The following SSUH2 variants were observed in gnomAD, a reference collection of about 807,000 sequenced individuals.
SSUH2 encodes protein SSUH2 homolog.
A neutral mutation model predicts 55.3 loss-of-function variants in SSUH2; 47 were observed. The ratio of observed to expected loss-of-function variants is 0.85; its 90% CI spans 0.67 to 1.08. The LOEUF (loss-of-function observed/expected upper bound fraction) is 1.08, where lower values mean the gene tolerates loss of function less well. Ranked by LOEUF, SSUH2 falls within the 50% of genes least tolerant of loss-of-function variation. SSUH2 has a pLI of 0.00. For synonymous variants in SSUH2, 212 were observed against 191.5 expected, an observed-to-expected ratio of 1.11 and a Z score of -0.89; for missense variants, 535 against 490.7, an observed-to-expected ratio of 1.09 and a Z score of -0.85.
At chr3:8,622,580 C>T (rs1367106742) in intron 11 of SSUH2, among the ~76,000 whole-genome samples, 2 of 152,206 alleles carry the variant, frequency 1.3e-5, no homozygotes, top group African/African-American at 4.8e-5. Flanking sequence ...CTGTCACCCT[C>T]CTTACTGCCT....
At chr3:8,621,801 T>C (rs1559269114) in intron 11 of SSUH2, among the ~76,000 whole-genome samples, 1 of 152,156 alleles carries the variant, frequency 6.6e-6, no homozygotes. Flanking sequence ...AAATAGGGAC[T>C]AAAGGGCACA....
At chr3:8,631,718 G>A (rs566009298) in intron 5 of SSUH2, among the ~76,000 whole-genome samples, 6 of 152,088 alleles carry the variant, frequency 3.9e-5, no homozygotes, top group Non-Finnish European at 8.8e-5. Context: ...GGAGGAATTA[G>A]GGGTGGCATG....
chr3:8,639,226 T>C (rs1346416768), intron 1 of SSUH2, among the ~76,000 whole-genome samples: 2 of 152,202 alleles, frequency 1.3e-5, no homozygotes, highest in African/African-American at 4.8e-5. Context: ...GCTGTTCCCA[T>C]GGTGTTGCAG....
chr3:8,676,997 C>T (rs565957830), intron 3 of SSUH2, among the ~76,000 whole-genome samples: 5 of 149,908 alleles, frequency 3.3e-5, no homozygotes, highest in Middle Eastern at 6.9e-3. Context: ...ACCTCTTCCC[C>T]CCCTGGCTCT....
chr3:8,651,615 T>C (rs1300828858), intron 7 of SSUH2, among the ~76,000 whole-genome samples: 1 of 152,184 alleles, frequency 6.6e-6, no homozygotes, highest in Non-Finnish European at 1.5e-5. Flanking sequence ...CTTTGATTCC[T>C]TGCAGAGACC....
intron 1 of SSUH2, among the ~76,000 whole-genome samples, chr3:8,680,788 G>A (rs773278182): frequency 1.6e-4 from 24 of 151,940 alleles, no homozygotes; most frequent in East Asian, 1.9e-4. Context: ...TCAACCTCTC[G>A]GCCTCTGAAT....
At chr3:8,634,927 A>T (rs1000558255) in intron 3 of SSUH2, among the ~76,000 whole-genome samples, 3 of 152,222 alleles carry the variant, frequency 2.0e-5, no homozygotes, top group African/African-American at 7.2e-5. Flanking sequence ...TTCGTAGCCC[A>T]CATAGTCTCT....
At chr3:8,647,544 GAGA>G (rs1358367331), upstream of SSUH2, among the ~76,000 whole-genome samples, 3 of 147,014 alleles carry the variant, frequency 2.0e-5, no homozygotes, top group Non-Finnish European at 4.4e-5. Context: ...CCGTGGTGAG[GAGA>G]AGTACTCCCA....
chr3:8,670,147 G>C (rs563151042), intron 5 of SSUH2, among the ~76,000 whole-genome samples: 1 of 152,098 alleles, frequency 6.6e-6, no homozygotes, highest in South Asian at 2.1e-4. Context: ...TCCCTTGGCA[G>C]CTCGTTTATG....
chr3:8,638,430 C>T (rs17049383), intron 1 of SSUH2, among the ~76,000 whole-genome samples: 23,111 of 152,154 alleles, frequency 0.15, 4,828 homozygotes, highest in African/African-American at 0.47. Flanking sequence ...GTTTCATAGA[C>T]GTAGAGTGCC....
chr3:8,672,928 A>G (rs1250535803), intron 3 of SSUH2, among the ~76,000 whole-genome samples: 1 of 152,076 alleles, frequency 6.6e-6, no homozygotes, highest in Non-Finnish European at 1.5e-5. Context: ...ATTGAACGTA[A>G]TATCATGCTC....
chr3:8,653,921 T>C (rs1702684102), intron 7 of SSUH2, among the ~76,000 whole-genome samples: 1 of 152,188 alleles, frequency 6.6e-6, no homozygotes, highest in South Asian at 2.1e-4. Context: ...GTGGGAACCG[T>C]TCCCCTGCCT....
upstream of SSUH2, among the ~76,000 whole-genome samples, chr3:8,647,570 T>C (rs1290587918): frequency 1.3e-5 from 2 of 152,172 alleles, no homozygotes; most frequent in East Asian, 3.9e-4. Context: ...GGGCAGAACC[T>C]TGAACAGTGC....
At chr3:8,647,457 G>A (rs1220206216), upstream of SSUH2, among the ~76,000 whole-genome samples, 1 of 152,240 alleles carries the variant, frequency 6.6e-6, no homozygotes, top group Non-Finnish European at 1.5e-5. Context: ...TGGCTTCAGA[G>A]TCAGGGTAGA....
At chr3:8,673,769 C>A (rs529017466) in intron 3 of SSUH2, among the ~76,000 whole-genome samples, 36 of 152,204 alleles carry the variant, frequency 2.4e-4, no homozygotes, top group South Asian at 1.0e-3. Context: ...ACCTGTTGGA[C>A]CCACGTGAAA....
rs779330228 is a variant in SSUH2 at position 8,626,232 on chromosome 3, A to C, written c.764T>G (p.Met255Arg). 6.2e-7 allele frequency: 1 copy of C among 1,613,694 alleles called. No individual in the cohort carries two copies. Among genetic ancestry groups the C allele is most frequent in the South Asian group, 1.1e-5 (1 of 91,048 alleles). Residue 255 changes from methionine (M) to arginine (R), a missense_variant, in exon 9 of 12, where the codon ATG (methionine) becomes AGG (arginine). Met to Arg is a moderately conservative substitution (Grantham distance 91). Coordinates refer to ENST00000544814, the MANE Select transcript of SSUH2 (RefSeq NM_001256748.3). ...KLLHFIQLVI[M>R]WKNSLFEFVS... ...GCATTGAGACACTGCCACATACCAC[A>C]TGATGACAAGCTGGATGAAGTGCAA...
At position 8,630,797 on chromosome 3, in the gene SSUH2, C is replaced by T. The variant is rs1698609519; in HGVS notation, c.525+8G>A. 7.2e-7 allele frequency: 1 copy of T among 1,385,486 alleles called. No individual in the cohort carries two copies. The highest frequency in any genetic ancestry group is 9.4e-7 in the Non-Finnish European group (1 of 1,060,598). The allele number at this position is 1,385,486 out of a possible 1,614,324, so 85.8% of individuals were successfully genotyped here. A position where few individuals can be genotyped will look rare whatever the true frequency, so the allele number is the denominator to read the frequency against. ...CAAGTATTCCAGTAATCGCGTTAAT[C>T]GTATTACCTTGACCAGTGACGAGTG... On this transcript the variant is annotated splice_region_variant and intron_variant, in intron 6 of 11. Transcript: ENST00000544814.
Position 8,674,781 on chromosome 3 carries a change from A to G in SSUH2, c.-753+2425T>C, listed in dbSNP as rs545619125. ...CAGAACAGGAGTCATTATGACCCTT[A>G]CGGTCCCCCGAGAGGAGGAATGGAG... On this transcript the variant is annotated intron_variant, in intron 3 of 18. Transcript: ENST00000317371. Among the ~76,000 whole-genome samples, 6 of 152,136 alleles carry G rather than the reference A, an allele frequency of 3.9e-5. 1 individual carries two copies. In the East Asian group the frequency reaches 1.2e-3, roughly 30 times the overall value.
chr3:8,633,269 G>C (rs1014751031), intron 4 of SSUH2, among the ~76,000 whole-genome samples: 1 of 149,762 alleles, frequency 6.7e-6, no homozygotes, highest in Non-Finnish European at 1.5e-5. Context: ...TCAGCCTCCC[G>C]AGTAGCTGGA....
Sources: allele counts gnomAD v4.1 joint callset (sites outside exome capture counted in the v4.1 genomes callset), GRCh38; gene constraint gnomAD v4.1.1; transcripts MANE v1.5; gene names NCBI Gene and HGNC (gene_info 2026-07-23, HGNC 2026-07-21).